Variants in SMYD1 observed in about 807,000 individuals in gnomAD.
SMYD1 encodes histone-lysine N-methyltransferase SMYD1.
Under a neutral mutation model 54.0 loss-of-function variants are expected in SMYD1, and 49 were observed. That is an observed-to-expected ratio of 0.91 (90% confidence interval 0.72 to 1.15). The LOEUF (loss-of-function observed/expected upper bound fraction) is 1.15. SMYD1 is among the 50% of genes most tolerant of loss of function. SMYD1 has a pLI of 0.00. For synonymous variants in SMYD1, 269 were observed against 234.2 expected, an observed-to-expected ratio of 1.15 and a Z score of -1.36; for missense variants, 653 against 639.6, an observed-to-expected ratio of 1.02 and a Z score of -0.23.
At chr2:88,074,140 A>G (rs1674007536) in intron 1 of SMYD1, among the ~76,000 whole-genome samples, 1 of 152,254 alleles carries the variant, frequency 6.6e-6, no homozygotes, top group South Asian at 2.1e-4. Context: ...TGCTGGGATT[A>G]CAGGCGTGAG....
intron 6 of SMYD1, among the ~76,000 whole-genome samples, chr2:88,099,462 C>T (rs974471994): frequency 1.3e-5 from 2 of 152,082 alleles, no homozygotes; most frequent in African/African-American, 4.8e-5. Flanking sequence ...CGGTGGCTCA[C>T]GCCTGTAATC....
At chr2:88,084,542 G>T in intron 2 of SMYD1, 50 bp downstream of exon 2, 1 of 1,506,880 alleles carries the variant, frequency 6.6e-7, no homozygotes, top group Non-Finnish European at 9.0e-7. Context: ...ATGTCAGGCT[G>T]GAATGGTGGC....
chr2:88,101,767 G>A (rs1286785749), intron 6 of SMYD1, among the ~76,000 whole-genome samples: 1 of 152,080 alleles, frequency 6.6e-6, no homozygotes, highest in African/African-American at 2.4e-5. Context: ...CACTATACCT[G>A]GCTAATTTTT....
chr2:88,095,219 A>T (rs11901294), intron 5 of SMYD1, among the ~76,000 whole-genome samples: 34,471 of 152,134 alleles, frequency 0.23, 4,084 homozygotes, highest in African/African-American at 0.3. Context: ...CCTACTGGCC[A>T]TTCATCACTA....
chr2:88,099,731 A>G (rs929694358), intron 6 of SMYD1, among the ~76,000 whole-genome samples: 2 of 151,958 alleles, frequency 1.3e-5, no homozygotes, highest in Non-Finnish European at 2.9e-5. Flanking sequence ...TCAAAAAAAA[A>G]AAGAAGAAGA....
At chr2:88,083,824 C>T (rs560701052) in intron 1 of SMYD1, among the ~76,000 whole-genome samples, 2 of 152,244 alleles carry the variant, frequency 1.3e-5, no homozygotes, top group East Asian at 1.9e-4. Context: ...AGGCCAGGCG[C>T]GGTGGCTCAT....
intron 4 of SMYD1, 79 bp from the exon 5 acceptor site, chr2:88,093,438 G>A (rs1410746562): frequency 3.3e-6 from 5 of 1,515,142 alleles, no homozygotes; most frequent in African/African-American, 2.7e-5. Context: ...GACCCAGAAT[G>A]CTGTACACCC....
intron 1 of SMYD1, among the ~76,000 whole-genome samples, chr2:88,078,123 G>T (rs914557321): frequency 1.3e-5 from 2 of 152,152 alleles, no homozygotes; most frequent in Non-Finnish European, 2.9e-5. Flanking sequence ...GAATGAGCTG[G>T]TGCTGGGGGT....
intron 1 of SMYD1, among the ~76,000 whole-genome samples, chr2:88,078,842 G>C (rs1674125840): frequency 1.3e-5 from 2 of 152,246 alleles, no homozygotes; most frequent in African/African-American, 4.8e-5. Context: ...GCAGCCGAGG[G>C]CATAGAGAGA....
In SMYD1 at chr2:88,096,587, T is replaced by A. The variant is rs771864115; in HGVS notation, c.699-8T>A. The A allele has an allele frequency of 1.9e-6, 3 of 1,605,242 alleles. No individual in the cohort carries two copies. The highest frequency in any genetic ancestry group is 2.6e-6 in the Non-Finnish European group (3 of 1,174,784). ...TTCGATTCACCTTTTCCTTTCACCC[T>A]GCTTCAGAATTGAGCTCCGGGCCCT... On this transcript the variant is annotated splice_polypyrimidine_tract_variant and splice_region_variant and intron_variant, in intron 5 of 9. Coordinates refer to ENST00000419482, the MANE Select transcript of SMYD1 (RefSeq NM_198274.4).
chr2:88,095,486 T>C (rs1027429303), intron 5 of SMYD1, among the ~76,000 whole-genome samples: 1 of 152,216 alleles, frequency 6.6e-6, no homozygotes, highest in Non-Finnish European at 1.5e-5. Flanking sequence ...GGGAAGGGGC[T>C]GCCTTTGACT....
At position 88,083,927 on chromosome 2, in the gene SMYD1, G is replaced by A. The variant is rs571148220; in HGVS notation, c.138-389G>A. ...TGACCAACATGGTGAAACCCTGTCT[G>A]TACTAAAAATACAAAAATTAGCTGG... is the stretch of plus-strand genomic sequence containing the variant. On this transcript the variant is annotated intron_variant, in intron 1 of 9. Coordinates refer to ENST00000419482, the MANE Select transcript of SMYD1 (RefSeq NM_198274.4). Among the ~76,000 whole-genome samples the A allele has an allele frequency of 3.9e-5, 6 of 152,216 alleles. No individual in the cohort carries two copies. In the South Asian group the frequency reaches 1.2e-3, roughly 32 times the overall value.
chr2:88,093,410 C>A, intron 4 of SMYD1, 107 bp from the exon 5 acceptor site: 2 of 1,332,756 alleles, frequency 1.5e-6, no homozygotes, highest in South Asian at 1.2e-5. Context: ...ATTGTGATGG[C>A]CAAAGCTTTG....
At chr2:88,087,528 C>G (rs184864654) in intron 2 of SMYD1, among the ~76,000 whole-genome samples, 1 of 152,188 alleles carries the variant, frequency 6.6e-6, no homozygotes, top group African/African-American at 2.4e-5. Context: ...TCTCCAGTAT[C>G]ACAGAGCCAG....
At chr2:88,106,627 T>C (rs559180073) in intron 8 of SMYD1, 139 bp downstream of exon 8, 34 of 862,586 alleles carry the variant, frequency 3.9e-5, no homozygotes, top group Middle Eastern at 5.6e-4. Flanking sequence ...GTTCTCTTTT[T>C]GACTGAGTCT....
chr2:88,080,601 C>T (rs1203665239), intron 1 of SMYD1, among the ~76,000 whole-genome samples: 1 of 152,234 alleles, frequency 6.6e-6, no homozygotes. Context: ...CTCCAGACCA[C>T]CTCCTGGCTC....
intron 1 of SMYD1, among the ~76,000 whole-genome samples, chr2:88,083,737 T>C (rs1000572770): frequency 6.6e-6 from 1 of 152,204 alleles, no homozygotes; most frequent in Non-Finnish European, 1.5e-5. Context: ...AATTTACCCT[T>C]CCTGAATTGA....
intron 9 of SMYD1, among the ~76,000 whole-genome samples, chr2:88,110,152 C>T (rs1459018416): frequency 1.3e-5 from 2 of 151,438 alleles, no homozygotes; most frequent in Non-Finnish European, 2.9e-5. Flanking sequence ...GACTCCCTCT[C>T]CCTGACAAAG....
intron 1 of SMYD1, among the ~76,000 whole-genome samples, chr2:88,081,099 T>C (rs553033140): frequency 1.5e-4 from 23 of 152,132 alleles, no homozygotes; most frequent in African/African-American, 5.5e-4. Flanking sequence ...GACGGGGTTT[T>C]GCCATGTTGG....
Sources: allele counts gnomAD v4.1 joint callset (sites outside exome capture counted in the v4.1 genomes callset), GRCh38; gene constraint gnomAD v4.1.1; transcripts MANE v1.5; gene names NCBI Gene and HGNC (gene_info 2026-07-23, HGNC 2026-07-21).